Variants in HORMAD1 observed in about 807,000 individuals in gnomAD.
HORMAD1 encodes the protein HORMA domain-containing protein 1.
A neutral mutation model predicts 58.2 loss-of-function variants in HORMAD1; 33 were observed. The observed-to-expected ratio is 0.57, with a 90% CI of 0.43 to 0.76. The LOEUF (loss-of-function observed/expected upper bound fraction) is 0.76. HORMAD1 is among the 30% of genes least tolerant of loss of function. The pLI, the probability that HORMAD1 is intolerant of heterozygous loss-of-function variation, is 0.00. For synonymous variants in HORMAD1, 137 were observed against 144.6 expected (o/e 0.95, Z 0.38); for missense variants, 363 against 462.0 (o/e 0.79, Z 1.96).
chr1:150,719,635 A>G (rs1428138352), intron 1 of HORMAD1, 97 bp from the exon 2 acceptor site: 3 of 563,562 alleles, frequency 5.3e-6, no homozygotes, highest in Non-Finnish European at 9.3e-6. Context: ...TTATGTGAAT[A>G]AATTTGAATT....
At chr1:150,706,006 T>G (rs1340225765) in intron 10 of HORMAD1, among the ~76,000 whole-genome samples, 1 of 152,178 alleles carries the variant, frequency 6.6e-6, no homozygotes, top group African/African-American at 2.4e-5. Context: ...ATTCATCCAT[T>G]CACTCGACTA....
chr1:150,711,872 C>G lies in HORMAD1; in HGVS notation c.280-19G>C. The G allele has an allele frequency of 1.3e-6, 2 of 1,526,174 alleles. No individual in the cohort carries two copies. Among genetic ancestry groups the G allele is most frequent in the Non-Finnish European group, 1.8e-6 (2 of 1,106,192 alleles). The allele number at this position is 1,526,174 out of a possible 1,614,324, so 94.5% of individuals were successfully genotyped here. ...TCCTTAGCTGAAATACAACAAAGAA[C>G]AAAAATCTTACTTGTAGTCTATAAA... is the stretch of plus-strand genomic sequence containing the variant. On this transcript the variant is annotated intron_variant, in intron 5 of 14. Transcript: ENST00000361824.
Position 150,706,617 on chromosome 1 carries a change from T to G in HORMAD1, c.740A>C (p.Lys247Thr). Residue 247 changes from lysine to threonine, a missense_variant, in exon 10 of 15, where the codon AAA becomes ACA. Physicochemically the swap from Lys to Thr is moderately conservative, Grantham distance 78 (BLOSUM62 -1). Coordinates refer to ENST00000361824, the MANE Select transcript of HORMAD1 (RefSeq NM_032132.5). Reference protein sequence around the residue: ...DSTILSPKQIKTPFQKILRDK... With the variant: ...DSTILSPKQITTPFQKILRDK... The stretch of plus-strand genomic sequence containing the variant: ...CCTCAGGATTTTTTGAAATGGTGTT[T>G]TTATTTGTTTTGGTGATAGTATAGT... The G allele has an allele frequency of 6.2e-7, 1 of 1,613,288 alleles. No homozygotes were observed. Among genetic ancestry groups the G allele is most frequent in the East Asian group, 2.2e-5 (1 of 44,850 alleles).
At chr1:150,701,197 G>A (rs771544814) in intron 13 of HORMAD1, among the ~76,000 whole-genome samples, 2 of 152,090 alleles carry the variant, frequency 1.3e-5, no homozygotes, top group African/African-American at 2.4e-5. Flanking sequence ...TACATTACAA[G>A]GAGATCTTGC....
intron 5 of HORMAD1, chr1:150,713,678 G>A (rs1423830051): frequency 6.1e-6 from 1 of 165,142 alleles, no homozygotes; most frequent in African/African-American, 2.4e-5. Context: ...CAGAATTTGT[G>A]ACAATTTAAC....
chr1:150,700,003 T>C (rs1194795811), intron 14 of HORMAD1, 109 bp downstream of exon 14: 1 of 553,028 alleles, frequency 1.8e-6, no homozygotes, highest in Non-Finnish European at 3.2e-6. Flanking sequence ...ATATCAGAAC[T>C]CTCAGGTACA....
intron 7 of HORMAD1, among the ~76,000 whole-genome samples, chr1:150,709,658 T>C (rs887520232): frequency 2.6e-5 from 4 of 151,748 alleles, no homozygotes; most frequent in African/African-American, 9.7e-5. Context: ...CTGAGGTGGA[T>C]TAGTAAAAGA....
intron 2 of HORMAD1, among the ~76,000 whole-genome samples, chr1:150,718,218 C>T (rs587699202): frequency 6.6e-6 from 1 of 152,212 alleles, no homozygotes; most frequent in East Asian, 1.9e-4. Context: ...GTCCCTTATC[C>T]CATCCCACGT....
rs747100901 is a variant in HORMAD1 at position 150,717,301 on chromosome 1, T to C, written c.34-19A>G. 7.0e-7 allele frequency: 1 copy of C among 1,419,548 alleles called. No homozygotes were observed. The highest frequency in any genetic ancestry group is 9.5e-7 in the Non-Finnish European group (1 of 1,056,110). The allele number at this position is 1,419,548 out of a possible 1,614,324, so 87.9% of individuals were successfully genotyped here. ...GTGCACTCTAAAATTCAAGGGAAAGTAGAACACTTTATTTAAATTTATTAA... is the reference window on the plus strand; with the variant it reads ...GTGCACTCTAAAATTCAAGGGAAAGCAGAACACTTTATTTAAATTTATTAA... On this transcript the variant is annotated intron_variant, in intron 2 of 14. Coordinates refer to ENST00000361824, the MANE Select transcript of HORMAD1 (RefSeq NM_032132.5).
intron 3 of HORMAD1, 93 bp downstream of exon 3, chr1:150,717,045 A>G (rs1652102943): frequency 1.4e-6 from 1 of 732,512 alleles, no homozygotes; most frequent in Non-Finnish European, 2.1e-6. Context: ...CTTCTATTAA[A>G]ATAAAATTTC....
chr1:150,716,514 T>G (rs1300868520), intron 3 of HORMAD1, among the ~76,000 whole-genome samples: 1 of 151,862 alleles, frequency 6.6e-6, no homozygotes, highest in East Asian at 1.9e-4. Flanking sequence ...TAAGTAAATC[T>G]GTACAGACAG....
intron 14 of HORMAD1, among the ~76,000 whole-genome samples, chr1:150,699,692 T>C (rs976685271): frequency 1.4e-5 from 2 of 146,014 alleles, no homozygotes; most frequent in South Asian, 2.1e-4. Context: ...GCCCAGCTAT[T>C]TTTTTTTTTT....
intron 9 of HORMAD1, among the ~76,000 whole-genome samples, 197 bp from the exon 10 acceptor site, chr1:150,707,006 G>A (rs1424594728): frequency 6.6e-6 from 1 of 152,134 alleles, no homozygotes; most frequent in Non-Finnish European, 1.5e-5. Context: ...TCACTTGACT[G>A]TCTGTGACCT....
chr1:150,716,111 T>C (rs587729341), intron 3 of HORMAD1, among the ~76,000 whole-genome samples: 1 of 149,320 alleles, frequency 6.7e-6, no homozygotes, highest in African/African-American at 2.4e-5. Context: ...CGGAGGAACC[T>C]TGAAAACATG....
intron 5 of HORMAD1, among the ~76,000 whole-genome samples, chr1:150,713,272 T>C (rs1651954332): frequency 6.6e-6 from 1 of 152,194 alleles, no homozygotes; most frequent in South Asian, 2.1e-4. Flanking sequence ...TATTAACTAC[T>C]TGTTTTCCTA....
At position 150,703,402 on chromosome 1, in the gene HORMAD1, G is replaced by A. The variant is rs762786849; in HGVS notation, c.949-9C>T. On this transcript the variant is annotated splice_polypyrimidine_tract_variant and intron_variant, in intron 12 of 14. Coordinates refer to ENST00000361824, the MANE Select transcript of HORMAD1 (RefSeq NM_032132.5). ...TTGACTAACTGCTCAACCTAAAAAA[G>A]AAAATAATTACAAAAAATATAACTT... 2 of 1,437,450 alleles carry A rather than the reference G, an allele frequency of 1.4e-6. No homozygotes were observed. 89.0% of individuals were successfully genotyped at this position (1,437,450 alleles called of 1,614,324 possible). A position where few individuals can be genotyped will look rare whatever the true frequency, so the allele number is the denominator to read the frequency against.
chr1:150,705,838 G>A (rs1199919879), intron 10 of HORMAD1, among the ~76,000 whole-genome samples: 1 of 152,126 alleles, frequency 6.6e-6, no homozygotes, highest in Non-Finnish European at 1.5e-5. Context: ...GTGAATCTCT[G>A]TACATAAGTA....
At position 150,704,534 on chromosome 1, in the gene HORMAD1, C is replaced by G. The variant is rs987458028; in HGVS notation, c.805-191G>C. 3.3e-5 allele frequency among the ~76,000 whole-genome samples: 5 copies of G among 152,154 alleles called. No individual in the cohort carries two copies. In the East Asian group the frequency reaches 9.6e-4, roughly 29 times the overall value. ...GCCATGGAGGGAGGATTGCTTGAGA[C>G]TAGTAGTTCCAGATTAGCCTGGGCA... On this transcript the variant is annotated intron_variant, in intron 10 of 14. Coordinates refer to ENST00000361824, the MANE Select transcript of HORMAD1 (RefSeq NM_032132.5).
intron 3 of HORMAD1, among the ~76,000 whole-genome samples, chr1:150,716,911 G>T (rs936305933): frequency 1.7e-4 from 24 of 144,664 alleles, no homozygotes; most frequent in East Asian, 2.0e-4. Context: ...TGCAGTGAGC[G>T]GAGATGGCAC....
Sources: gnomAD v4.1 joint callset for allele counts (sites outside exome capture counted in the v4.1 genomes callset) on GRCh38, gnomAD v4.1.1 for gene constraint, MANE v1.5 for transcripts, NCBI Gene and HGNC (gene_info 2026-07-23, HGNC 2026-07-21) for gene names.